PPFIA4: variants seen among roughly 807,000 people sequenced by gnomAD.
The protein encoded by PPFIA4 is PPFI scaffold protein A4, also known as liprin-alpha-4.
Under a neutral mutation model 145.7 loss-of-function variants are expected in PPFIA4, and 98 were observed. That is an observed-to-expected ratio of 0.67 (90% CI 0.57 to 0.80). PPFIA4 has a LOEUF of 0.80. PPFIA4 is among the 30% of genes least tolerant of loss of function. The pLI is 0.00. For missense variants in PPFIA4, 1,457 were observed against 1,632.7 expected (o/e 0.89, Z 1.85); for synonymous variants, 628 against 649.6 (o/e 0.97, Z 0.51).
rs997005900 is a variant in PPFIA4 at position 203,060,127 on chromosome 1, A to G, written c.2584-90A>G. 1.5e-5 allele frequency: 19 copies of G among 1,280,384 alleles called. No homozygotes were observed. The highest frequency in any genetic ancestry group is 5.9e-5 in the African/African-American group (4 of 67,998). 79.3% of individuals were successfully genotyped at this position (1,280,384 alleles called of 1,614,324 possible). A position where few individuals can be genotyped will look rare whatever the true frequency, so the allele number is the denominator to read the frequency against. On this transcript the variant is annotated intron_variant, in intron 21 of 29. Coordinates refer to ENST00000295706, the MANE Select transcript of PPFIA4 (RefSeq NM_001304331.2). This position sits in a 1 kb window ranked among gnomAD's most constrained non-coding sequence, Gnocchi z 4.8. ...CTGTATTTGCTATTCGAGTCCGTGGATGAGGCCTGGCCCTTGCCCCTTGCT... is the reference window on the plus strand; with the variant it reads ...CTGTATTTGCTATTCGAGTCCGTGGGTGAGGCCTGGCCCTTGCCCCTTGCT...
chr1:203,047,822 G>A (rs1270159356), intron 9 of PPFIA4, among the ~76,000 whole-genome samples: 1 of 152,154 alleles, frequency 6.6e-6, no homozygotes, highest in African/African-American at 2.4e-5. Flanking sequence ...GTGGTAAGAG[G>A]GAGCCAGGAT....
chr1:203,064,376 G>A (rs1020029073), intron 25 of PPFIA4, among the ~76,000 whole-genome samples: 2 of 152,188 alleles, frequency 1.3e-5, no homozygotes, highest in African/African-American at 4.8e-5. Context: ...ACTGAACCTG[G>A]TGTTCAATTT....
chr1:203,066,539 T>C (rs1661742419), intron 25 of PPFIA4, among the ~76,000 whole-genome samples: 1 of 152,190 alleles, frequency 6.6e-6, no homozygotes, highest in African/African-American at 2.4e-5. Flanking sequence ...CAAGATGGAA[T>C]GAGCTGCCTT....
chr1:203,076,250 G>T, intron 29 of PPFIA4, 91 bp from the exon 30 acceptor site: 1 of 1,412,678 alleles, frequency 7.1e-7, no homozygotes, highest in South Asian at 1.2e-5. Flanking sequence ...AGCACGCTGC[G>T]TTGCCGCTGT....
rs1179750351 is a variant in PPFIA4 at position 203,068,240 on chromosome 1, A to G, written c.3149-213A>G. 6.6e-6 allele frequency among the ~76,000 whole-genome samples: 1 copy of G among 152,134 alleles called. No homozygotes were observed. The highest frequency in any genetic ancestry group is 1.5e-5 in the Non-Finnish European group (1 of 68,014). The stretch of plus-strand genomic sequence containing the variant: ...GTTGGCCTGACCCCGGGTCCTGTAA[A>G]CTGGCAGGGATGGAGTGAGTGGGGG... On this transcript the variant is annotated intron_variant, in intron 26 of 29. Coordinates refer to ENST00000295706, the MANE Select transcript of PPFIA4 (RefSeq NM_001304331.2). This position sits in a 1 kb window ranked among gnomAD's most constrained non-coding sequence, Gnocchi z 4.7.
chr1:203,050,371 A>G (rs1660417415), intron 13 of PPFIA4, among the ~76,000 whole-genome samples: 1 of 152,122 alleles, frequency 6.6e-6, no homozygotes, highest in Non-Finnish European at 1.5e-5. Context: ...TTGTGGAGCG[A>G]TGGGTATTGA....
In PPFIA4 at chr1:203,059,184, TA is replaced by T; in HGVS notation, c.2416del (p.Thr806GlnfsTer26). 1 of 1,522,132 alleles carries T rather than the reference TA, an allele frequency of 6.6e-7. No individual in the cohort carries two copies. The highest frequency in any genetic ancestry group is 9.0e-7 in the Non-Finnish European group (1 of 1,114,910). The allele number at this position is 1,522,132 out of a possible 1,614,324, so 94.3% of individuals were successfully genotyped here. On this transcript the variant is annotated frameshift_variant, in exon 20 of 30. Coordinates refer to ENST00000295706, the MANE Select transcript of PPFIA4 (RefSeq NM_001304331.2). LOFTEE classifies it high-confidence loss of function. ...CACATCTCTTTCCTTGTAGTTCTGC[TA>T]ACAGACTCCGAATTCAGTATGCAGG... ...SRDGATGHVLLTDSEFSMQEP... is the reference protein window; with the variant it reads ...SRDGATGHVLXTDSEFSMQEP...
In PPFIA4 at chr1:203,045,573, C is replaced by G. The variant is rs1259597178; in HGVS notation, c.858+14C>G. On this transcript the variant is annotated intron_variant, in intron 7 of 29. Coordinates refer to ENST00000295706, the MANE Select transcript of PPFIA4 (RefSeq NM_001304331.2). ...GACCTCCGGGAGGTGCGTGAGGGCGCAGGCCTGCTCTGTGACCTCATTGTG... is the reference window on the plus strand; with the variant it reads ...GACCTCCGGGAGGTGCGTGAGGGCGGAGGCCTGCTCTGTGACCTCATTGTG... 6.4e-7 allele frequency: 1 copy of G among 1,557,146 alleles called. No homozygotes were observed. The highest frequency in any genetic ancestry group is 8.7e-7 in the Non-Finnish European group (1 of 1,151,244).
chr1:203,068,722 G>T lies in PPFIA4; in HGVS notation c.3324+94G>T. ...TCATACACAAAGGCTTAGGTATCTT[G>T]GGGGGTGGGGAGCTTTTCTAGGGCC... is the stretch of plus-strand genomic sequence containing the variant. On this transcript the variant is annotated intron_variant, in intron 27 of 29. Transcript: ENST00000295706. The surrounding 1 kb of genome is among the most constrained non-coding windows in gnomAD (Gnocchi z 4.7). 7.7e-7 allele frequency: 1 copy of T among 1,295,842 alleles called. No homozygotes were observed. Among genetic ancestry groups the T allele is most frequent in the Non-Finnish European group, 1.0e-6 (1 of 987,472 alleles). 80.3% of individuals were successfully genotyped at this position (1,295,842 alleles called of 1,614,324 possible).
In PPFIA4 at chr1:203,063,912, T is replaced by C; in HGVS notation, c.2959T>C (p.Phe987Leu). 2 of 1,614,070 alleles carry C rather than the reference T, an allele frequency of 1.2e-6. No individual in the cohort carries two copies. The highest frequency in any genetic ancestry group is 1.7e-6 in the Non-Finnish European group (2 of 1,179,908). Residue 987 changes from phenylalanine (F) to leucine (L), a missense_variant, in exon 25 of 30, where the codon TTC becomes CTC. Phe to Leu is a conservative substitution (Grantham distance 22). Coordinates refer to ENST00000295706, the MANE Select transcript of PPFIA4 (RefSeq NM_001304331.2). ...GGGGCTCCCGCAGTACCGCAGCTAC[T>C]TCATGGAGTGCCTGGTGGACGCCCG... ...SLGLPQYRSY[F>L]MECLVDARML... is the part of the protein sequence containing the mutation.
chr1:203,070,955 GTT>G (rs11323394), intron 27 of PPFIA4, among the ~76,000 whole-genome samples: 11 of 143,942 alleles, frequency 7.6e-5, no homozygotes, highest in Admixed American at 1.4e-4. Flanking sequence ...CCACTTTTTT[GTT>G]TTTTTTTTTT....
At position 203,039,154 on chromosome 1, in the gene PPFIA4, A is replaced by G. The variant is rs1659512588; in HGVS notation, c.146A>G (p.Glu49Gly). 1.2e-6 allele frequency: 2 copies of G among 1,607,884 alleles called. No homozygotes were observed. The highest frequency in any genetic ancestry group is 2.7e-5 in the African/African-American group (2 of 74,942). The change falls in exon 2 of 30, where the codon GAG becomes GGG. Residue 49 changes from glutamate to glycine, a missense_variant. Transcript: ENST00000295706. ...KLLESLRESQETLAATQSRLQ... is the reference protein window; with the variant it reads ...KLLESLRESQGTLAATQSRLQ... ...CTGGAGTCTCTTCGGGAGAGTCAGG[A>G]GACCTTGGCGGCCACACAGAGCCGG...
At chr1:203,058,592 G>T (rs1047302739) in intron 19 of PPFIA4, among the ~76,000 whole-genome samples, 1 of 152,196 alleles carries the variant, frequency 6.6e-6, no homozygotes, top group African/African-American at 2.4e-5. Context: ...TGCACTGTGG[G>T]GGGGTGACCG....
intron 29 of PPFIA4, chr1:203,076,110 T>C: frequency 1.7e-6 from 1 of 601,048 alleles, no homozygotes; most frequent in African/African-American, 1.9e-5. Flanking sequence ...GCGGGCACCT[T>C]GCTGCTGGCC....
At position 203,048,389 on chromosome 1, in the gene PPFIA4, G is replaced by T; in HGVS notation, c.1224+79G>T. 1 of 1,532,044 alleles carries T rather than the reference G, an allele frequency of 6.5e-7. No homozygotes were observed. Among genetic ancestry groups the T allele is most frequent in the South Asian group, 1.2e-5 (1 of 85,178 alleles). 94.9% of individuals were successfully genotyped at this position (1,532,044 alleles called of 1,614,324 possible). ...CCAGGGCGGTCTGTGGAAGGGGCAC[G>T]GAGGAAGGGCCTGGCCAGGGACACA... On this transcript the variant is annotated intron_variant, in intron 10 of 29. Transcript: ENST00000295706. This position sits in a 1 kb window ranked among gnomAD's most constrained non-coding sequence, Gnocchi z 5.8.
chr1:203,058,014 G>A (rs1025469476), intron 19 of PPFIA4, among the ~76,000 whole-genome samples: 4 of 152,174 alleles, frequency 2.6e-5, no homozygotes, highest in African/African-American at 9.7e-5. Flanking sequence ...GCTAGGCTGG[G>A]GCCAGCTGTG....
At chr1:203,056,274 C>T (rs1019105334) in intron 17 of PPFIA4, 101 bp from the exon 18 acceptor site, 4 of 1,598,338 alleles carry the variant, frequency 2.5e-6, no homozygotes, top group Non-Finnish European at 3.4e-6. Flanking sequence ...CACCCAGGGC[C>T]TCCCCACTGC....
chr1:203,060,422 G>A lies in PPFIA4; in HGVS notation c.2784+5G>A. 6.2e-7 allele frequency: 1 copy of A among 1,612,310 alleles called. No individual in the cohort carries two copies. Among genetic ancestry groups the A allele is most frequent in the Non-Finnish European group, 8.5e-7 (1 of 1,179,842 alleles). On this transcript the variant is annotated splice_donor_5th_base_variant and intron_variant, in intron 22 of 29. Coordinates refer to ENST00000295706, the MANE Select transcript of PPFIA4 (RefSeq NM_001304331.2). The surrounding 1 kb of genome is among the most constrained non-coding windows in gnomAD (Gnocchi z 4.8). ...GCCCCACCCACCTCCAGGACTGTGA[G>A]TGGCCCCTCCTTTGCCCAGGACATT...
At position 203,055,653 on chromosome 1, in the gene PPFIA4, G is replaced by A. The variant is rs1376815176; in HGVS notation, c.2051G>A (p.Arg684Gln). The change falls in exon 16 of 30, where the codon CGA becomes CAA. Residue 684 changes from arginine to glutamine, a missense_variant. Transcript: ENST00000295706. This position sits in a 1 kb window ranked among gnomAD's most constrained non-coding sequence, Gnocchi z 4.8. ...TSRSAAQDLD[R>Q]MGVMTLPSDL... ...CGCAGTGCTGCCCAGGACCTGGACC[G>A]AATGGGGGTCATGACCCTGGTGAGA... 10 of 1,613,976 alleles carry A rather than the reference G, an allele frequency of 6.2e-6. No homozygotes were observed. The highest frequency in any genetic ancestry group is 7.6e-6 in the Non-Finnish European group (9 of 1,179,890).
Sources: gnomAD v4.1 joint callset for allele counts (sites outside exome capture counted in the v4.1 genomes callset) on GRCh38, gnomAD v4.1.1 for gene constraint, Gnocchi (gnomAD v3.1) non-coding constraint, MANE v1.5 for transcripts, NCBI Gene and HGNC (gene_info 2026-07-23, HGNC 2026-07-21) for gene names.